The following CTNND2 variants were observed in gnomAD, a reference collection of about 807,000 sequenced individuals.
The protein encoded by CTNND2 is catenin delta 2, also known as catenin delta-2.
A neutral mutation model predicts 144.4 loss-of-function variants in CTNND2; 22 were observed. The ratio of observed to expected loss-of-function variants is 0.15; its 90% CI spans 0.11 to 0.22. The LOEUF is 0.22. Among genes scored for constraint, CTNND2 ranks in the 10% least tolerant of loss-of-function variants. CTNND2 has a pLI of 1.00. For missense variants in CTNND2, 1,353 were observed against 1,618.8 expected, an observed-to-expected ratio of 0.84 and a Z score of 2.82; for synonymous variants, 751 against 695.6, an observed-to-expected ratio of 1.08 and a Z score of -1.25.
chr5:11,365,894 G>T (rs1581025858), intron 7 of CTNND2, among the ~76,000 whole-genome samples: 1 of 152,206 alleles, frequency 6.6e-6, no homozygotes, highest in South Asian at 2.1e-4. Flanking sequence ...CATCTTCCAT[G>T]TTGAATACAG....
chr5:11,460,646 G>C (rs778564637), intron 3 of CTNND2, among the ~76,000 whole-genome samples: 3 of 152,036 alleles, frequency 2.0e-5, no homozygotes, highest in Non-Finnish European at 4.4e-5. Context: ...AGTACCCCAG[G>C]GCCTTTGCGC....
intron 12 of CTNND2, among the ~76,000 whole-genome samples, chr5:11,121,857 C>G (rs1754177697): frequency 1.3e-5 from 2 of 152,154 alleles, no homozygotes; most frequent in African/African-American, 4.8e-5. Flanking sequence ...ATTGGGTAAT[C>G]AATGTATTTG....
At position 11,876,086 on chromosome 5, in the gene CTNND2, G is replaced by T. The variant is rs575512024; in HGVS notation, c.37+27731C>A. Among the ~76,000 whole-genome samples the T allele has an allele frequency of 2.3e-4, 35 of 152,212 alleles. 1 individual carries two copies. The South Asian group carries it at 7.3e-3, about 32-fold the overall frequency. On this transcript the variant is annotated intron_variant, in intron 1 of 21. Coordinates refer to ENST00000304623, the MANE Select transcript of CTNND2 (RefSeq NM_001332.4). ...TCCCATTTATAAGATCTTCAACCTG[G>T]TGCTATTCATACAAAGAAGTGGAAG... is the stretch of plus-strand genomic sequence containing the variant.
intron 2 of CTNND2, among the ~76,000 whole-genome samples, chr5:11,646,548 T>C (rs1782364738): frequency 6.6e-6 from 1 of 152,214 alleles, no homozygotes; most frequent in South Asian, 2.1e-4. Flanking sequence ...TAACTTAAAA[T>C]GTTGGATACA....
At chr5:11,078,524 G>A (rs1328566818) in intron 16 of CTNND2, among the ~76,000 whole-genome samples, 1 of 152,130 alleles carries the variant, frequency 6.6e-6, no homozygotes, top group Admixed American at 6.5e-5. Context: ...CTGTCTCCGA[G>A]AGAAGACTAG....
intron 12 of CTNND2, among the ~76,000 whole-genome samples, chr5:11,134,141 G>A (rs2149723184): frequency 6.6e-6 from 1 of 152,296 alleles, no homozygotes; most frequent in Middle Eastern, 3.4e-3. Flanking sequence ...GGGAGCAGGA[G>A]AAAGGGGGAA....
At chr5:11,810,328 C>T (rs1792256707) in intron 1 of CTNND2, among the ~76,000 whole-genome samples, 1 of 151,940 alleles carries the variant, frequency 6.6e-6, no homozygotes, top group Non-Finnish European at 1.5e-5. Context: ...GAAGAAAGGG[C>T]TTCATGAAGG....
At chr5:10,974,387 G>GTA (rs1172992316) in intron 21 of CTNND2, among the ~76,000 whole-genome samples, 2 of 152,232 alleles carry the variant, frequency 1.3e-5, no homozygotes, top group East Asian at 1.9e-4. Context: ...CCCCATGATT[G>GTA]TATATATATA....
At chr5:11,372,168 A>G (rs1336274195) in intron 7 of CTNND2, among the ~76,000 whole-genome samples, 1 of 152,238 alleles carries the variant, frequency 6.6e-6, no homozygotes, top group African/African-American at 2.4e-5. Flanking sequence ...AATACTGTAA[A>G]CTATTGGGAC....
chr5:11,610,224 T>G (rs951703259), intron 2 of CTNND2, among the ~76,000 whole-genome samples: 1 of 152,110 alleles, frequency 6.6e-6, no homozygotes, highest in Non-Finnish European at 1.5e-5. Flanking sequence ...CATAAATGGA[T>G]CCTAAGCAAA....
chr5:11,408,385 C>T (rs770421558), intron 5 of CTNND2, among the ~76,000 whole-genome samples: 5 of 152,030 alleles, frequency 3.3e-5, no homozygotes, highest in Non-Finnish European at 7.4e-5. Flanking sequence ...AGTTTTTACT[C>T]AGTTACTTCA....
chr5:11,708,050 GATTT>G (rs143052153), intron 2 of CTNND2, among the ~76,000 whole-genome samples: 4,179 of 136,782 alleles, frequency 0.031, 193 homozygotes, highest in African/African-American at 0.12. Context: ...TTTTAAAGAT[GATTT>G]TTTTTTTTTT....
chr5:11,300,161 T>C (rs762723696), intron 9 of CTNND2, among the ~76,000 whole-genome samples: 2 of 152,120 alleles, frequency 1.3e-5, no homozygotes, highest in Non-Finnish European at 2.9e-5. Context: ...CTCAGATCCC[T>C]TCCATGGGGA....
At chr5:11,042,393 A>G (rs1445211719) in intron 16 of CTNND2, among the ~76,000 whole-genome samples, 1 of 152,246 alleles carries the variant, frequency 6.6e-6, no homozygotes, top group Admixed American at 6.5e-5. Flanking sequence ...TATGTTATAC[A>G]CGCACACCTT....
chr5:11,877,508 T>C (rs971837366), intron 1 of CTNND2, among the ~76,000 whole-genome samples: 1 of 152,152 alleles, frequency 6.6e-6, no homozygotes, highest in African/African-American at 2.4e-5. Context: ...GCATATGTAA[T>C]TTTTAAAAGA....
chr5:11,810,380 G>A (rs914194505), intron 1 of CTNND2, among the ~76,000 whole-genome samples: 2 of 152,076 alleles, frequency 1.3e-5, no homozygotes, highest in Admixed American at 1.3e-4. Context: ...TTTTTTCAAG[G>A]ATTTACTATA....
chr5:11,845,639 A>T (rs1794697939), intron 1 of CTNND2, among the ~76,000 whole-genome samples: 1 of 152,198 alleles, frequency 6.6e-6, no homozygotes, highest in African/African-American at 2.4e-5. Context: ...TTGGTCTTTG[A>T]CTTCCATCTC....
chr5:11,837,960 C>T (rs1311419133), intron 1 of CTNND2, among the ~76,000 whole-genome samples: 2 of 152,132 alleles, frequency 1.3e-5, no homozygotes, highest in African/African-American at 4.8e-5. Flanking sequence ...ATCACAGTAG[C>T]CATGACTCCA....
At chr5:11,006,169 G>C (rs1740458515) in intron 18 of CTNND2, among the ~76,000 whole-genome samples, 1 of 152,210 alleles carries the variant, frequency 6.6e-6, no homozygotes, top group African/African-American at 2.4e-5. Flanking sequence ...AAAAAAGACT[G>C]AGAAGGGGCG....
Sources: allele counts gnomAD v4.1 joint callset (sites outside exome capture counted in the v4.1 genomes callset), GRCh38; gene constraint gnomAD v4.1.1; transcripts MANE v1.5; gene names NCBI Gene and HGNC (gene_info 2026-07-23, HGNC 2026-07-21).